Variants in GAB1 observed in about 807,000 individuals in gnomAD.
The protein encoded by GAB1 is GRB2-associated-binding protein 1.
In GAB1, 19 loss-of-function variants were observed where a neutral mutation model predicts 66.5. That is an observed-to-expected ratio of 0.29 (90% confidence interval 0.20 to 0.42). GAB1 has a LOEUF of 0.42. GAB1 is among the 10% of genes least tolerant of loss of function. GAB1 has a pLI of 1.00. For synonymous variants in GAB1, 294 were observed against 301.4 expected, an observed-to-expected ratio of 0.98 and a Z score of 0.25; for missense variants, 732 against 858.5, an observed-to-expected ratio of 0.85 and a Z score of 1.84.
chr4:143,378,922 C>T (rs984421977), intron 1 of GAB1, among the ~76,000 whole-genome samples: 1 of 152,154 alleles, frequency 6.6e-6, no homozygotes, highest in African/African-American at 2.4e-5. Flanking sequence ...GGCAGCCTCT[C>T]TGGAGAGACC....
At chr4:143,450,891 A>C (rs76366645) in intron 6 of GAB1, among the ~76,000 whole-genome samples, 1 of 56,252 alleles carries the variant, frequency 1.8e-5, no homozygotes, top group African/African-American at 2.1e-4. Flanking sequence ...ACTGCATCTC[A>C]AAAAAAAAAA....
chr4:143,392,132 A>G (rs1731216461), intron 1 of GAB1, among the ~76,000 whole-genome samples: 1 of 152,218 alleles, frequency 6.6e-6, no homozygotes, highest in Admixed American at 6.5e-5. Flanking sequence ...TTTTGTTTTT[A>G]TAAGTAGTTC....
intron 1 of GAB1, among the ~76,000 whole-genome samples, chr4:143,409,357 G>C (rs1732236584): frequency 6.6e-6 from 1 of 151,058 alleles, no homozygotes; most frequent in African/African-American, 2.4e-5. Context: ...TACTGAAGGA[G>C]TTTGGACTTC....
rs529157593 is a variant in GAB1 at position 143,415,513 on chromosome 4, C to T, written c.109C>T (p.Arg37Cys). ...KRRWFVLRSG[R>C]LTGDPDVLEY... is the part of the protein sequence containing the mutation. ...GAGATGGTTCGTGTTACGCAGTGGC[C>T]GTTTAACTGGAGATCCAGATGTTTT... Residue 37 changes from arginine to cysteine, a missense_variant, in exon 2 of 10, where the codon CGT (arginine) becomes TGT (cysteine). This residue lies in a region of GAB1 where 66 missense variants were observed against 130.3 expected (regional missense o/e 0.51). Transcript: ENST00000262994. 7 of 1,612,308 alleles carry T rather than the reference C, an allele frequency of 4.3e-6. No individual in the cohort carries two copies. Among genetic ancestry groups the T allele is most frequent in the East Asian group, 2.2e-5 (1 of 44,844 alleles).
intron 6 of GAB1, among the ~76,000 whole-genome samples, chr4:143,453,459 C>T (rs1304728459): frequency 6.6e-6 from 1 of 152,106 alleles, no homozygotes; most frequent in Non-Finnish European, 1.5e-5. Flanking sequence ...ATACGAGTCT[C>T]CTTGGAACAT....
intron 6 of GAB1, among the ~76,000 whole-genome samples, chr4:143,458,913 G>A (rs1735339576): frequency 6.6e-6 from 1 of 151,798 alleles, no homozygotes; most frequent in Non-Finnish European, 1.5e-5. Flanking sequence ...ACAAAGTTGT[G>A]TTTTTAATAG....
At chr4:143,400,442 C>CT (rs534542879) in intron 1 of GAB1, among the ~76,000 whole-genome samples, 110 of 152,272 alleles carry the variant, frequency 7.2e-4, no homozygotes, top group African/African-American at 2.3e-3. Context: ...CTAATTATTC[C>CT]TTATAACAGC....
At chr4:143,351,694 C>G (rs905509218) in intron 1 of GAB1, among the ~76,000 whole-genome samples, 15 of 152,116 alleles carry the variant, frequency 9.9e-5, no homozygotes, top group African/African-American at 3.6e-4. Flanking sequence ...AGGCTCTTCC[C>G]GTCCCAGCAC....
At chr4:143,465,852 A>G in intron 8 of GAB1, 1 of 269,020 alleles carries the variant, frequency 3.7e-6, no homozygotes, top group Non-Finnish European at 7.0e-6. Context: ...TATCATAGCT[A>G]AGTATCTCCT....
chr4:143,379,118 G>T (rs1730549980), intron 1 of GAB1, among the ~76,000 whole-genome samples: 1 of 152,168 alleles, frequency 6.6e-6, no homozygotes, highest in African/African-American at 2.4e-5. Flanking sequence ...GTGGGGTAGG[G>T]GTTGCTGGGG....
intron 1 of GAB1, among the ~76,000 whole-genome samples, chr4:143,357,638 A>G (rs1017292030): frequency 7.9e-5 from 12 of 152,144 alleles, no homozygotes. Context: ...AATCTGCGGA[A>G]GCTGTGGGTG....
intron 6 of GAB1, among the ~76,000 whole-genome samples, chr4:143,441,195 C>A (rs1336291343): frequency 6.6e-6 from 1 of 152,022 alleles, no homozygotes; most frequent in African/African-American, 2.4e-5. Flanking sequence ...TAATGCCTAC[C>A]CAGGTTTTTT....
At chr4:143,373,144 G>A (rs566332590) in intron 1 of GAB1, among the ~76,000 whole-genome samples, 263 of 151,942 alleles carry the variant, frequency 1.7e-3, no homozygotes, top group Admixed American at 4.1e-3. Context: ...ACTTCTGTTC[G>A]TACAATTTAT....
In GAB1 at chr4:143,433,735, T is replaced by A; in HGVS notation, c.593+19T>A. 6.4e-7 allele frequency: 1 copy of A among 1,569,040 alleles called. No individual in the cohort carries two copies. The highest frequency in any genetic ancestry group is 2.2e-5 in the East Asian group (1 of 44,660). ...CCACCAGGTAAATTATATATGCCCA[T>A]GTGAGAGAGAGACAGAGGCGTGTGT... is the stretch of plus-strand genomic sequence containing the variant. On this transcript the variant is annotated intron_variant, in intron 3 of 9. Coordinates refer to ENST00000262994, the MANE Select transcript of GAB1 (RefSeq NM_002039.4).
At chr4:143,410,160 A>G (rs1732300684) in intron 1 of GAB1, among the ~76,000 whole-genome samples, 1 of 151,904 alleles carries the variant, frequency 6.6e-6, no homozygotes. Flanking sequence ...GCCTGCCCAT[A>G]TATTGGCCAC....
intron 2 of GAB1, among the ~76,000 whole-genome samples, chr4:143,417,058 G>A (rs1460769256): frequency 6.6e-6 from 1 of 152,184 alleles, no homozygotes; most frequent in African/African-American, 2.4e-5. Flanking sequence ...CATGGAAGAA[G>A]AAAGAGGGGC....
intron 1 of GAB1, among the ~76,000 whole-genome samples, chr4:143,361,913 T>TG (rs202212962): frequency 9.2e-6 from 1 of 108,432 alleles, no homozygotes; most frequent in African/African-American, 4.6e-5. Context: ...GTGTTGTGTG[T>TG]GGTTTTTTTT....
At chr4:143,423,436 G>A (rs545743960) in intron 2 of GAB1, among the ~76,000 whole-genome samples, 19 of 152,126 alleles carry the variant, frequency 1.2e-4, no homozygotes, top group Middle Eastern at 3.4e-3. Context: ...GGTGGCTCAC[G>A]CCAGTAATCC....
chr4:143,433,283 A>G (rs986131130), intron 2 of GAB1, among the ~76,000 whole-genome samples: 1 of 152,210 alleles, frequency 6.6e-6, no homozygotes, highest in Non-Finnish European at 1.5e-5. Context: ...TGGAATATAT[A>G]TAGAGTCCTA....
Sources: allele counts gnomAD v4.1 joint callset (sites outside exome capture counted in the v4.1 genomes callset), GRCh38; gene constraint gnomAD v4.1.1; regional missense constraint gnomAD v4.1.1; transcripts MANE v1.5; gene names NCBI Gene and HGNC (gene_info 2026-07-23, HGNC 2026-07-21).